The following PCOLCE variants were observed in gnomAD, a reference collection of about 807,000 sequenced individuals.
PCOLCE encodes procollagen C-endopeptidase enhancer 1.
PCOLCE carries 33 observed loss-of-function variants against 47.2 expected under a neutral mutation model. The ratio of observed to expected loss-of-function variants is 0.70; its 90% CI spans 0.53 to 0.93. PCOLCE has a LOEUF of 0.93. Ranked by LOEUF, PCOLCE falls within the 40% of genes least tolerant of loss-of-function variation. The probability of loss-of-function intolerance (pLI) is 0.00; values close to 1 mark genes in which losing one functional copy is unlikely to be tolerated. For missense variants in PCOLCE, 584 were observed against 585.3 expected (o/e 1.00, Z 0.02); for synonymous variants, 254 against 252.5 (o/e 1.01, Z -0.06).
chr7:100,604,067 G>A lies in PCOLCE; in HGVS notation c.313G>A (p.Gly105Ser). Reference protein sequence around the residue: ...LEVFAGSGTSGQRLGRFCGTF... With the variant: ...LEVFAGSGTSSQRLGRFCGTF... ...GGTCTTCGCTGGGTCTGGGACTTCC[G>A]GCCAGCGGCTCGGACGCTTTTGTGG... Residue 105 changes from glycine (G) to serine (S), a missense_variant, in exon 3 of 9, where the codon GGC (glycine) becomes AGC (serine). Transcript: ENST00000223061. The surrounding 1 kb of genome is among the most constrained non-coding windows in gnomAD (Gnocchi z 6.4). 5.6e-6 allele frequency: 9 copies of A among 1,609,232 alleles called. No individual in the cohort carries two copies. The South Asian group carries it at 7.7e-5, about 14-fold the overall frequency.
chr7:100,602,473 C>T lies in PCOLCE; in HGVS notation c.17C>T (p.Thr6Ile), dbSNP rs142421811. 1 of 1,612,290 alleles carries T rather than the reference C, an allele frequency of 6.2e-7. No individual in the cohort carries two copies. Among genetic ancestry groups the T allele is most frequent in the African/African-American group, 1.3e-5 (1 of 75,030 alleles). MLPAA[T>I]ASLLGPLLTA... ...CCCGGGGCCATGCTGCCTGCAGCCA[C>T]AGCCTCCCTCCTGGGGCCCCTCCTC... Residue 6 changes from threonine (T) to isoleucine (I), a missense_variant, in exon 1 of 9, where the codon ACA becomes ATA. Transcript: ENST00000223061.
At chr7:100,607,574 T>A in intron 7 of PCOLCE, 51 bp downstream of exon 7, 1 of 1,609,568 alleles carries the variant, frequency 6.2e-7, no homozygotes, top group Non-Finnish European at 8.5e-7. Context: ...CTCCTGCTTC[T>A]GTTTCCAGTC....
In PCOLCE at chr7:100,607,974, C is replaced by A. The variant is rs141578594; in HGVS notation, c.1221C>A (p.Asn407Lys). Reference protein sequence around the residue: ...SYLLMGQVEENRGPVLPPESF... With the variant: ...SYLLMGQVEEKRGPVLPPESF... ...TGCTGATGGGCCAGGTAGAAGAGAA[C>A]AGAGGCCCCGTCCTTCCTCCAGAGA... is the stretch of plus-strand genomic sequence containing the variant. The change falls in exon 9 of 9, where the codon AAC becomes AAA. Residue 407 changes from asparagine (N) to lysine (K), a missense_variant. Transcript: ENST00000223061. 78 of 1,614,036 alleles carry A rather than the reference C, an allele frequency of 4.8e-5. No individual in the cohort carries two copies. The highest frequency in any genetic ancestry group is 6.3e-5 in the Non-Finnish European group (74 of 1,180,028).
chr7:100,605,438 C>A lies in PCOLCE; in HGVS notation c.588+223C>A. On this transcript the variant is annotated intron_variant, in intron 4 of 8. Transcript: ENST00000223061. The surrounding 1 kb of genome is among the most constrained non-coding windows in gnomAD (Gnocchi z 6.1). ...AGGTACAGGGTCCTGGTATAACACG[C>A]GGGCCTGTCACTTGTGAGTGCGCCA... 1.5e-6 allele frequency: 1 copy of A among 650,196 alleles called. No individual in the cohort carries two copies. The highest frequency in any genetic ancestry group is 2.6e-6 in the Non-Finnish European group (1 of 382,118). The allele number at this position is 650,196 out of a possible 1,614,324, so 40.3% of individuals were successfully genotyped here. A position where few individuals can be genotyped will look rare whatever the true frequency, so the allele number is the denominator to read the frequency against.
At position 100,605,225 on chromosome 7, in the gene PCOLCE, C is replaced by T; in HGVS notation, c.588+10C>T. 1.9e-6 allele frequency: 3 copies of T among 1,608,878 alleles called. No individual in the cohort carries two copies. Among genetic ancestry groups the T allele is most frequent in the Non-Finnish European group, 2.5e-6 (3 of 1,176,934 alleles). Reference sequence around the variant, plus strand: ...CGCGCCCCCGGACCAGGTACCGACCCTCCTCCCCGGGCTGCCCTAGGGGAC... The same window carrying T: ...CGCGCCCCCGGACCAGGTACCGACCTTCCTCCCCGGGCTGCCCTAGGGGAC... On this transcript the variant is annotated intron_variant, in intron 4 of 8. Transcript: ENST00000223061. This position sits in a 1 kb window ranked among gnomAD's most constrained non-coding sequence, Gnocchi z 6.1.
At position 100,605,238 on chromosome 7, in the gene PCOLCE, T is replaced by C. The variant is rs749047121; in HGVS notation, c.588+23T>C. On this transcript the variant is annotated intron_variant, in intron 4 of 8. Coordinates refer to ENST00000223061, the MANE Select transcript of PCOLCE (RefSeq NM_002593.4). This position sits in a 1 kb window ranked among gnomAD's most constrained non-coding sequence, Gnocchi z 6.1. ...CAGGTACCGACCCTCCTCCCCGGGC[T>C]GCCCTAGGGGACCCAGGCGGCGCCC... is the stretch of plus-strand genomic sequence containing the variant. The C allele has an allele frequency of 1.2e-6, 2 of 1,600,954 alleles. No individual in the cohort carries two copies. The highest frequency in any genetic ancestry group is 4.5e-5 in the East Asian group (2 of 44,504).
In PCOLCE at chr7:100,605,020, C is replaced by T. The variant is rs1802687180; in HGVS notation, c.464-71C>T. The T allele has an allele frequency of 2.5e-6, 3 of 1,200,706 alleles. No individual in the cohort carries two copies. The highest frequency in any genetic ancestry group is 3.6e-6 in the Non-Finnish European group (3 of 823,954). 74.4% of individuals were successfully genotyped at this position (1,200,706 alleles called of 1,614,324 possible). A position where few individuals can be genotyped will look rare whatever the true frequency, so the allele number is the denominator to read the frequency against. ...CCGAGCTGCCTGCCGGGGCTCCCAG[C>T]CTAGAGTTCTCCTGAAGCTGACCGA... is the stretch of plus-strand genomic sequence containing the variant. On this transcript the variant is annotated intron_variant, in intron 3 of 8. Coordinates refer to ENST00000223061, the MANE Select transcript of PCOLCE (RefSeq NM_002593.4). This position sits in a 1 kb window ranked among gnomAD's most constrained non-coding sequence, Gnocchi z 6.1.
rs767765568 is a variant in PCOLCE, at chr7:100,603,513, A to G, written c.179A>G (p.Asn60Ser). The change falls in exon 2 of 9, where the codon AAT (asparagine) becomes AGT (serine). Residue 60 changes from asparagine (N) to serine (S), a missense_variant. Physicochemically the swap from Asn to Ser is conservative, Grantham distance 46 (BLOSUM62 1). Coordinates refer to ENST00000223061, the MANE Select transcript of PCOLCE (RefSeq NM_002593.4). Reference sequence around the variant, plus strand: ...GGGTTCCCCAACCTCTACCCCCCTAATAAGGAGTGCATCTGGACCATAACG... The same window carrying G: ...GGGTTCCCCAACCTCTACCCCCCTAGTAAGGAGTGCATCTGGACCATAACG... The part of the protein sequence containing the change: ...SEGFPNLYPP[N>S]KECIWTITVP... 6.3e-7 allele frequency: 1 copy of G among 1,592,958 alleles called. No homozygotes were observed. Among genetic ancestry groups the G allele is most frequent in the Non-Finnish European group, 8.6e-7 (1 of 1,164,804 alleles).
rs1562828216 is a variant in PCOLCE at position 100,607,767 on chromosome 7, G to A, written c.1143G>A (p.Lys381=). Residue 381 remains lysine (K), a synonymous_variant, in exon 8 of 9, where the codon AAG becomes AAA. Coordinates refer to ENST00000223061, the MANE Select transcript of PCOLCE (RefSeq NM_002593.4). The part of the protein sequence containing the change: ...LPSPPTGASL[K]FYVPCKQCPP... The stretch of plus-strand genomic sequence containing the variant: ...CTCCACCCACTGGTGCCTCCCTGAA[G>A]TTTTACGTGCCTTGCAAGCAGTGCC... 1 of 1,614,144 alleles carries A rather than the reference G, an allele frequency of 6.2e-7. No homozygotes were observed.
At position 100,604,320 on chromosome 7, in the gene PCOLCE, G is replaced by C; in HGVS notation, c.463+103G>C. ...CGCCCCGCCCACCCCGCGCCCCAGT[G>C]CCTAGGGCCCCCTACCTCCCTGACC... On this transcript the variant is annotated intron_variant, in intron 3 of 8. Transcript: ENST00000223061. This position sits in a 1 kb window ranked among gnomAD's most constrained non-coding sequence, Gnocchi z 6.4. The C allele has an allele frequency of 9.3e-7, 1 of 1,074,194 alleles. No homozygotes were observed. Among genetic ancestry groups the C allele is most frequent in the Non-Finnish European group, 1.3e-6 (1 of 757,936 alleles). The allele number at this position is 1,074,194 out of a possible 1,614,324, so 66.5% of individuals were successfully genotyped here.
chr7:100,603,472 T>C lies in PCOLCE; in HGVS notation c.138T>C (p.Gly46=), dbSNP rs745696938. ...LCGGDVKGES[G]YVASEGFPNL... ...GAGGGGATGTGAAGGGGGAATCAGG[T>C]TACGTGGCAAGTGAGGGGTTCCCCA... Residue 46 remains glycine, a synonymous_variant, in exon 2 of 9, where the codon GGT becomes GGC. Transcript: ENST00000223061. 30 of 1,605,872 alleles carry C rather than the reference T, an allele frequency of 1.9e-5. No individual in the cohort carries two copies. The African/African-American group carries it at 3.6e-4, about 20-fold the overall frequency.
Position 100,605,063 on chromosome 7 carries a change from C to G in PCOLCE, c.464-28C>G, listed in dbSNP as rs778658093. The stretch of plus-strand genomic sequence containing the variant: ...CTGACCGAGGGTCTCCACCGCCCCC[C>G]ACCCCCGCTCCTCTCTCCCCTCCCC... On this transcript the variant is annotated intron_variant, in intron 3 of 8. Coordinates refer to ENST00000223061, the MANE Select transcript of PCOLCE (RefSeq NM_002593.4). The surrounding 1 kb of genome is among the most constrained non-coding windows in gnomAD (Gnocchi z 6.1). 3 of 1,568,216 alleles carry G rather than the reference C, an allele frequency of 1.9e-6. No individual in the cohort carries two copies. The highest frequency in any genetic ancestry group is 1.7e-5 in the Admixed American group (1 of 59,346).
At chr7:100,606,221 T>C in intron 5 of PCOLCE, 195 bp from the exon 6 acceptor site, 1 of 570,090 alleles carries the variant, frequency 1.8e-6, no homozygotes, top group African/African-American at 1.9e-5. Flanking sequence ...CCCAGCAACT[T>C]GCGGGGCTGA....
chr7:100,606,455 C>A lies in PCOLCE; in HGVS notation c.765C>A (p.Phe255Leu). 1 of 1,614,050 alleles carries A rather than the reference C, an allele frequency of 6.2e-7. No individual in the cohort carries two copies. Among genetic ancestry groups the A allele is most frequent in the Non-Finnish European group, 8.5e-7 (1 of 1,179,910 alleles). ...AAGGGAATGAACTCCTCGTCCAGTTCGTCTCAGATCTCAGTGTCACCGCTG... is the reference window on the plus strand; with the variant it reads ...AAGGGAATGAACTCCTCGTCCAGTTAGTCTCAGATCTCAGTGTCACCGCTG... ...SSEGNELLVQ[F>L]VSDLSVTADG... is the part of the protein sequence containing the mutation. Residue 255 changes from phenylalanine to leucine, a missense_variant, in exon 6 of 9, where the codon TTC becomes TTA. Coordinates refer to ENST00000223061, the MANE Select transcript of PCOLCE (RefSeq NM_002593.4).
In PCOLCE at chr7:100,605,328, G is replaced by A; in HGVS notation, c.588+113G>A. 2 of 1,132,020 alleles carry A rather than the reference G, an allele frequency of 1.8e-6. No individual in the cohort carries two copies. Among genetic ancestry groups the A allele is most frequent in the Admixed American group, 2.7e-5 (1 of 36,958 alleles). 70.1% of individuals were successfully genotyped at this position (1,132,020 alleles called of 1,614,324 possible). ...GTGTCCCGAGCACTGCGCTTGCGCT[G>A]GTGGGCACCCAAAACAGCCCCAACC... is the stretch of plus-strand genomic sequence containing the variant. On this transcript the variant is annotated intron_variant, in intron 4 of 8. Coordinates refer to ENST00000223061, the MANE Select transcript of PCOLCE (RefSeq NM_002593.4). The surrounding 1 kb of genome is among the most constrained non-coding windows in gnomAD (Gnocchi z 6.1).
chr7:100,605,672 C>T lies in PCOLCE; in HGVS notation c.589-4C>T. 6.3e-7 allele frequency: 1 copy of T among 1,578,970 alleles called. No homozygotes were observed. Among genetic ancestry groups the T allele is most frequent in the Non-Finnish European group, 8.6e-7 (1 of 1,162,800 alleles). ...GCGCAGTCCCCGCCTCCGCCCGCCG[C>T]CAGGTCATCGCGCTGACCTTCGAGA... is the stretch of plus-strand genomic sequence containing the variant. On this transcript the variant is annotated splice_polypyrimidine_tract_variant and splice_region_variant and intron_variant, in intron 4 of 8. Coordinates refer to ENST00000223061, the MANE Select transcript of PCOLCE (RefSeq NM_002593.4). This position sits in a 1 kb window ranked among gnomAD's most constrained non-coding sequence, Gnocchi z 6.1.
In PCOLCE at chr7:100,608,145, CT is replaced by C; in HGVS notation, c.*44del. On this transcript the variant is annotated 3_prime_UTR_variant, in exon 9 of 9. Transcript: ENST00000223061. ...GGCCCCTAGCCCTCAGGCCTTCTTTCTTATCCAAATAAATGTTTCTTAATGA... is the reference window on the plus strand; with the variant it reads ...GGCCCCTAGCCCTCAGGCCTTCTTTCTATCCAAATAAATGTTTCTTAATGA... 1 of 1,556,632 alleles carries C rather than the reference CT, an allele frequency of 6.4e-7. No homozygotes were observed. Among genetic ancestry groups the C allele is most frequent in the Non-Finnish European group, 8.8e-7 (1 of 1,138,098 alleles).
In PCOLCE at chr7:100,602,489, G is replaced by A; in HGVS notation, c.33G>A (p.Gly11=). Residue 11 remains glycine (G), a synonymous_variant, in exon 1 of 9, where the codon GGG becomes GGA. Transcript: ENST00000223061. ...CTGCAGCCACAGCCTCCCTCCTGGG[G>A]CCCCTCCTCACTGCCTGCGCCCTGC... The part of the protein sequence containing the change: MLPAATASLL[G]PLLTACALLP... The A allele has an allele frequency of 6.2e-7, 1 of 1,612,800 alleles. No homozygotes were observed. The highest frequency in any genetic ancestry group is 8.5e-7 in the Non-Finnish European group (1 of 1,179,822).
rs1802672948 is a variant in PCOLCE at position 100,604,336 on chromosome 7, C to T, written c.463+119C>T. The T allele has an allele frequency of 1.2e-5, 10 of 844,348 alleles. No individual in the cohort carries two copies. The Admixed American group carries it at 1.5e-4, about 13-fold the overall frequency. The allele number at this position is 844,348 out of a possible 1,614,324, so 52.3% of individuals were successfully genotyped here. ...CGCCCCAGTGCCTAGGGCCCCCTAC[C>T]TCCCTGACCCATTTTCCTCACTAAC... On this transcript the variant is annotated intron_variant, in intron 3 of 8. Coordinates refer to ENST00000223061, the MANE Select transcript of PCOLCE (RefSeq NM_002593.4). This position sits in a 1 kb window ranked among gnomAD's most constrained non-coding sequence, Gnocchi z 6.4.
Sources: gnomAD v4.1 joint callset for allele counts on GRCh38, gnomAD v4.1.1 for gene constraint, Gnocchi (gnomAD v3.1) non-coding constraint, MANE v1.5 for transcripts, NCBI Gene and HGNC (gene_info 2026-07-23, HGNC 2026-07-21) for gene names.